CLCN3: variants seen among roughly 807,000 people sequenced by gnomAD.
CLCN3 encodes the protein Cl-/H+ antiporter 3.
Under a neutral mutation model 83.4 loss-of-function variants are expected in CLCN3, and 16 were observed. The observed-to-expected ratio is 0.19, with a 90% CI of 0.13 to 0.29. CLCN3 has a LOEUF of 0.29. Among genes scored for constraint, CLCN3 ranks in the 10% least tolerant of loss-of-function variants. The pLI, the probability that CLCN3 is intolerant of heterozygous loss-of-function variation, is 1.00. For synonymous variants in CLCN3, 322 were observed against 346.2 expected (o/e 0.93, Z 0.78); for missense variants, 544 against 1,006.0 (o/e 0.54, Z 6.21).
intron 10 of CLCN3, among the ~76,000 whole-genome samples, chr4:169,705,118 A>G (rs1732941002): frequency 1.3e-5 from 2 of 152,234 alleles, no homozygotes; most frequent in Admixed American, 1.3e-4. Context: ...TATGGTAGGA[A>G]TATAGGGGAA....
At chr4:169,675,632 G>T (rs948296783) in intron 2 of CLCN3, among the ~76,000 whole-genome samples, 1 of 151,952 alleles carries the variant, frequency 6.6e-6, no homozygotes, top group Non-Finnish European at 1.5e-5. Context: ...AATAATTTGA[G>T]GATATAATTT....
At chr4:169,672,072 CGT>C (rs1560848213) in intron 2 of CLCN3, among the ~76,000 whole-genome samples, 1 of 151,828 alleles carries the variant, frequency 6.6e-6, no homozygotes, top group African/African-American at 2.4e-5. Context: ...ATTAGCCGGG[CGT>C]GGTGGTGGGC....
rs891676017 is a variant in CLCN3, at chr4:169,720,266, G to A, written c.*269G>A. ...GTATCAACTCCTATTGTTCTGCACT[G>A]GATGCATTCAGCTGAGGATGTGCCT... On this transcript the variant is annotated 3_prime_UTR_variant, in exon 13 of 13. Transcript: ENST00000513761. 1 of 519,492 alleles carries A rather than the reference G, an allele frequency of 1.9e-6. No homozygotes were observed. Among genetic ancestry groups the A allele is most frequent in the Non-Finnish European group, 3.4e-6 (1 of 294,120 alleles). 32.2% of individuals were successfully genotyped at this position (519,492 alleles called of 1,614,324 possible).
intron 2 of CLCN3, among the ~76,000 whole-genome samples, chr4:169,652,638 C>T (rs1023886751): frequency 6.6e-6 from 1 of 152,134 alleles, no homozygotes; most frequent in Non-Finnish European, 1.5e-5. Context: ...TCCTTAGGTG[C>T]ACAAATTTTA....
chr4:169,660,524 G>C (rs1054912376), intron 2 of CLCN3: 7 of 1,061,582 alleles, frequency 6.6e-6, no homozygotes, highest in Non-Finnish European at 8.6e-6. Flanking sequence ...AGCTTAAACT[G>C]GTTCTCGTTT....
intron 7 of CLCN3, among the ~76,000 whole-genome samples, chr4:169,693,713 T>A (rs1732456026): frequency 6.6e-6 from 1 of 152,252 alleles, no homozygotes; most frequent in Non-Finnish European, 1.5e-5. Flanking sequence ...ATTCCATTAC[T>A]TTCTGTTGTA....
At chr4:169,704,650 C>A (rs535653351) in intron 10 of CLCN3, among the ~76,000 whole-genome samples, 14 of 152,278 alleles carry the variant, frequency 9.2e-5, no homozygotes, top group African/African-American at 3.4e-4. Flanking sequence ...CATGCTCCAT[C>A]ATCTAAGGTA....
chr4:169,648,629 T>C (rs1197592537), intron 2 of CLCN3, among the ~76,000 whole-genome samples: 1 of 152,182 alleles, frequency 6.6e-6, no homozygotes, highest in Non-Finnish European at 1.5e-5. Flanking sequence ...TGAAGAAGAA[T>C]GATGTGTCCT....
chr4:169,719,649 T>G (rs1733558390), intron 12 of CLCN3, among the ~76,000 whole-genome samples: 1 of 151,922 alleles, frequency 6.6e-6, no homozygotes, highest in Admixed American at 6.6e-5. Flanking sequence ...AAAATAGCTC[T>G]GCTTCATTGA....
At chr4:169,694,088 C>T (rs1168633526) in intron 7 of CLCN3, among the ~76,000 whole-genome samples, 11 of 151,924 alleles carry the variant, frequency 7.2e-5, no homozygotes, top group Admixed American at 6.6e-4. Flanking sequence ...GTTTGCTTTC[C>T]TCTTAGTGGA....
At chr4:169,664,323 T>C (rs932847446) in intron 2 of CLCN3, among the ~76,000 whole-genome samples, 2 of 152,222 alleles carry the variant, frequency 1.3e-5, no homozygotes, top group African/African-American at 2.4e-5. Context: ...CAGCAGTGTA[T>C]CTAAATAAAG....
intron 2 of CLCN3, among the ~76,000 whole-genome samples, chr4:169,655,656 A>G (rs979989147): frequency 6.6e-6 from 1 of 152,044 alleles, no homozygotes; most frequent in African/African-American, 2.4e-5. Flanking sequence ...CACTATGTCC[A>G]GCTCATTTTT....
At chr4:169,687,809 G>A (rs769489399) in intron 4 of CLCN3, 52 bp downstream of exon 4, 8 of 959,482 alleles carry the variant, frequency 8.3e-6, no homozygotes, top group South Asian at 6.8e-5. Flanking sequence ...AGTATAAACT[G>A]TTCTTCCCTC....
intron 2 of CLCN3, 101 bp from the exon 3 acceptor site, chr4:169,679,949 G>A: frequency 1.1e-6 from 1 of 920,028 alleles, no homozygotes; most frequent in East Asian, 2.4e-5. Flanking sequence ...AGAGGGAGAG[G>A]GATTATTTCT....
At chr4:169,719,866 TCC>T in intron 12 of CLCN3, 39 bp from the exon 13 acceptor site, 1 of 1,521,056 alleles carries the variant, frequency 6.6e-7, no homozygotes. Context: ...CCTTTTATTT[TCC>T]CTTTTATTTC....
rs1292368530 is a variant in CLCN3, at chr4:169,723,249, T to C, written c.*3252T>C. 1.3e-5 allele frequency: 2 copies of C among 152,220 alleles called. No homozygotes were observed. Among genetic ancestry groups the C allele is most frequent in the Admixed American group, 6.5e-5 (1 of 15,284 alleles). The allele number at this position is 152,220 out of a possible 1,614,324, so 9.4% of individuals were successfully genotyped here. A position where few individuals can be genotyped will look rare whatever the true frequency, so the allele number is the denominator to read the frequency against. ...CCCTCTTCACTGCTGCCCTACGCAG[T>C]GTAGGCCGATATGCCTGGCACAGGG... On this transcript the variant is annotated 3_prime_UTR_variant, in exon 13 of 13. Transcript: ENST00000513761.
At chr4:169,665,606 A>G (rs977914653) in intron 2 of CLCN3, among the ~76,000 whole-genome samples, 4 of 151,848 alleles carry the variant, frequency 2.6e-5, no homozygotes, top group African/African-American at 7.3e-5. Context: ...AGAGAGAGAA[A>G]AAAAAAAACC....
At chr4:169,701,536 A>G (rs1273118238) in intron 9 of CLCN3, among the ~76,000 whole-genome samples, 2 of 152,070 alleles carry the variant, frequency 1.3e-5, no homozygotes, top group African/African-American at 4.8e-5. Context: ...TTTTGCCCGG[A>G]TCAATCAGAG....
intron 1 of CLCN3, 109 bp from the exon 2 acceptor site, chr4:169,635,794 CAGTGAATACG>C: frequency 1.6e-6 from 1 of 624,614 alleles, no homozygotes; most frequent in Non-Finnish European, 2.5e-6. Flanking sequence ...ACTATTGTTA[CAGTGAATACG>C]CTTAATTTTT....
Sources: allele counts gnomAD v4.1 joint callset (sites outside exome capture counted in the v4.1 genomes callset), GRCh38; gene constraint gnomAD v4.1.1; transcripts MANE v1.5; gene names NCBI Gene and HGNC (gene_info 2026-07-23, HGNC 2026-07-21).